The following UBTD2 variants were observed in gnomAD, a reference collection of about 807,000 sequenced individuals.
The protein encoded by UBTD2 is ubiquitin domain-containing protein 2.
UBTD2 carries 9 observed loss-of-function variants against 19.8 expected under a neutral mutation model. That is an observed-to-expected ratio of 0.46 (90% CI 0.27 to 0.79). The LOEUF (loss-of-function observed/expected upper bound fraction) is 0.79, where lower values mean the gene tolerates loss of function less well. Among genes scored for constraint, UBTD2 ranks in the 30% least tolerant of loss-of-function variants. UBTD2 has a pLI of 0.14. For synonymous variants in UBTD2, 98 were observed against 103.9 expected, an observed-to-expected ratio of 0.94 and a Z score of 0.35; for missense variants, 250 against 300.4, an observed-to-expected ratio of 0.83 and a Z score of 1.24.
rs540094017 is a variant in UBTD2, at chr5:172,254,712, T to C, written c.71-20354A>G. The stretch of plus-strand genomic sequence containing the variant: ...GGCTGCAAGATGACCAAAGGGTGAT[T>C]CTCTTGCAACAATGCTTGTGGGGGG... On this transcript the variant is annotated intron_variant, in intron 1 of 2. Transcript: ENST00000393792. The C allele has an allele frequency of 6.2e-5, 21 of 336,760 alleles. No individual in the cohort carries two copies. In the South Asian group the frequency reaches 6.9e-4, roughly 11 times the overall value. The allele number at this position is 336,760 out of a possible 1,614,324, so 20.9% of individuals were successfully genotyped here.
chr5:172,253,591 T>G (rs993944924), intron 1 of UBTD2, among the ~76,000 whole-genome samples: 4 of 151,984 alleles, frequency 2.6e-5, no homozygotes, highest in African/African-American at 9.7e-5. Context: ...GTACCTGGGA[T>G]TACAGGCACG....
intron 1 of UBTD2, among the ~76,000 whole-genome samples, chr5:172,235,674 C>A (rs1367327507): frequency 6.6e-6 from 1 of 152,140 alleles, no homozygotes; most frequent in Non-Finnish European, 1.5e-5. Context: ...GATGCAGCAT[C>A]CTTGCACCCA....
At chr5:172,256,870 A>G (rs758466396) in intron 1 of UBTD2, among the ~76,000 whole-genome samples, 2 of 152,116 alleles carry the variant, frequency 1.3e-5, no homozygotes, top group Non-Finnish European at 2.9e-5. Flanking sequence ...GTGAGCTGAG[A>G]TCGCACCACT....
chr5:172,263,863 G>A (rs1475570017), intron 1 of UBTD2, among the ~76,000 whole-genome samples: 1 of 151,548 alleles, frequency 6.6e-6, no homozygotes, highest in Non-Finnish European at 1.5e-5. Context: ...GTGTGTGTGT[G>A]TGTGTGTGTG....
At chr5:172,223,412 A>T (rs1771690537) in intron 2 of UBTD2, among the ~76,000 whole-genome samples, 1 of 151,638 alleles carries the variant, frequency 6.6e-6, no homozygotes, top group Non-Finnish European at 1.5e-5. Context: ...AGACCAGCCT[A>T]ACATGGTGAA....
At chr5:172,218,066 A>G (rs544584193) in intron 2 of UBTD2, among the ~76,000 whole-genome samples, 97 of 152,358 alleles carry the variant, frequency 6.4e-4, no homozygotes, top group Non-Finnish European at 1.2e-3. Context: ...CACATGGAAC[A>G]TTTACCAAGA....
intron 1 of UBTD2, among the ~76,000 whole-genome samples, chr5:172,274,970 A>C (rs1046503589): frequency 1.3e-5 from 2 of 152,114 alleles, no homozygotes; most frequent in Admixed American, 6.5e-5. Context: ...CAGCAGGTGG[A>C]GTTTGCCGTG....
intron 1 of UBTD2, among the ~76,000 whole-genome samples, chr5:172,269,592 C>T (rs180700720): frequency 3.6e-4 from 54 of 151,818 alleles, no homozygotes; most frequent in African/African-American, 1.2e-3. Context: ...GAAATTGAGT[C>T]GCACACAGCT....
At position 172,283,750 on chromosome 5, in the gene UBTD2, C is replaced by T; in HGVS notation, c.-85G>A. On this transcript the variant is annotated 5_prime_UTR_variant, in exon 1 of 3. Coordinates refer to ENST00000393792, the MANE Select transcript of UBTD2 (RefSeq NM_152277.3). This position sits in a 1 kb window ranked among gnomAD's most constrained non-coding sequence, Gnocchi z 4.3. Reference sequence around the variant, plus strand: ...CCGCTGCAGCCTCCTCCGGCGCCACCGCCGAGCTCCGGACAGGCGCGCCGC... The same window carrying T: ...CCGCTGCAGCCTCCTCCGGCGCCACTGCCGAGCTCCGGACAGGCGCGCCGC... The T allele has an allele frequency of 3.0e-6, 3 of 993,006 alleles. No homozygotes were observed. Among genetic ancestry groups the T allele is most frequent in the Non-Finnish European group, 3.8e-6 (3 of 797,378 alleles). The allele number at this position is 993,006 out of a possible 1,614,324, so 61.5% of individuals were successfully genotyped here.
intron 1 of UBTD2, among the ~76,000 whole-genome samples, chr5:172,249,401 GAAAAAAAA>G (rs756803780): frequency 4.7e-5 from 3 of 63,300 alleles, no homozygotes; most frequent in Non-Finnish European, 2.9e-5. Flanking sequence ...TCCGTCTCAT[GAAAAAAAA>G]AAAAAAAAAA....
intron 2 of UBTD2, among the ~76,000 whole-genome samples, chr5:172,229,896 T>G (rs913360146): frequency 6.6e-6 from 1 of 152,218 alleles, no homozygotes; most frequent in Admixed American, 6.5e-5. Flanking sequence ...CTGGTTTCAC[T>G]GGTAAACTAC....
At chr5:172,244,731 CTTT>C (rs1161680667) in intron 1 of UBTD2, among the ~76,000 whole-genome samples, 1 of 151,996 alleles carries the variant, frequency 6.6e-6, no homozygotes, top group Non-Finnish European at 1.5e-5. Context: ...GTTTTGTATT[CTTT>C]TTTTCTTTTT....
chr5:172,282,391 A>G (rs1755735631), intron 1 of UBTD2, among the ~76,000 whole-genome samples: 1 of 152,202 alleles, frequency 6.6e-6, no homozygotes, highest in African/African-American at 2.4e-5. Context: ...GGATTTAGTC[A>G]TACAGGATAC....
At chr5:172,248,481 G>A (rs748594935) in intron 1 of UBTD2, among the ~76,000 whole-genome samples, 3 of 151,962 alleles carry the variant, frequency 2.0e-5, no homozygotes, top group Non-Finnish European at 2.9e-5. Context: ...CCAGCTACTC[G>A]GGAGGCTGAG....
intron 1 of UBTD2, among the ~76,000 whole-genome samples, chr5:172,248,333 T>C (rs879650565): frequency 5.3e-5 from 8 of 152,192 alleles, no homozygotes; most frequent in East Asian, 1.9e-4. Flanking sequence ...CTCATGCCTA[T>C]AATCTTAGCA....
At position 172,210,257 on chromosome 5, in the gene UBTD2, T is replaced by C. The variant is rs1561846254; in HGVS notation, c.*1573A>G. On this transcript the variant is annotated 3_prime_UTR_variant, in exon 3 of 3. Transcript: ENST00000393792. ...TTTAATCAGGCAATAGGAAATTCAA[T>C]ACCATTTAAACATTACATTTAAACT... The C allele has an allele frequency of 1.3e-5, 2 of 152,238 alleles. No individual in the cohort carries two copies. The highest frequency in any genetic ancestry group is 2.1e-4 in the South Asian group (1 of 4,834). The allele number at this position is 152,238 out of a possible 1,614,324, so 9.4% of individuals were successfully genotyped here.
In UBTD2 at chr5:172,210,815, C is replaced by T. The variant is rs1771428381; in HGVS notation, c.*1015G>A. 1 of 152,132 alleles carries T rather than the reference C, an allele frequency of 6.6e-6. No homozygotes were observed. Among genetic ancestry groups the T allele is most frequent in the Admixed American group, 6.5e-5 (1 of 15,272 alleles). 9.4% of individuals were successfully genotyped at this position (152,132 alleles called of 1,614,324 possible). ...TTCTCCCAGGCACAGATAAAATAGGCTTTCCTTACACCCCTCCATGCAAAG... is the reference window on the plus strand; with the variant it reads ...TTCTCCCAGGCACAGATAAAATAGGTTTTCCTTACACCCCTCCATGCAAAG... On this transcript the variant is annotated 3_prime_UTR_variant, in exon 3 of 3. Transcript: ENST00000393792.
At chr5:172,254,838 G>T in intron 1 of UBTD2, 1 of 550,196 alleles carries the variant, frequency 1.8e-6, no homozygotes, top group Admixed American at 2.7e-5. Context: ...TCTGGTACAG[G>T]ATTTTCTTAT....
At chr5:172,241,604 G>A (rs1462006300) in intron 1 of UBTD2, among the ~76,000 whole-genome samples, 1 of 151,986 alleles carries the variant, frequency 6.6e-6, no homozygotes. Context: ...AATTGCAGAT[G>A]ATATAATATA....
Sources: gnomAD v4.1 joint callset for allele counts (sites outside exome capture counted in the v4.1 genomes callset) on GRCh38, gnomAD v4.1.1 for gene constraint, Gnocchi (gnomAD v3.1) non-coding constraint, MANE v1.5 for transcripts, NCBI Gene and HGNC (gene_info 2026-07-23, HGNC 2026-07-21) for gene names.